Variants in BRD1 observed in about 807,000 individuals in gnomAD.
BRD1 encodes bromodomain containing 1, also known as bromodomain-containing protein 1.
In BRD1, 24 loss-of-function variants were observed where a neutral mutation model predicts 107.7. That is an observed-to-expected ratio of 0.22 (90% confidence interval 0.16 to 0.31). The LOEUF (loss-of-function observed/expected upper bound fraction) is 0.31, where lower values mean the gene tolerates loss of function less well. BRD1 is among the 10% of genes least tolerant of loss of function. The pLI is 1.00. For missense variants in BRD1, 1,279 were observed against 1,638.6 expected (o/e 0.78, Z 3.79); for synonymous variants, 744 against 686.1 (o/e 1.08, Z -1.32).
intron 2 of BRD1, among the ~76,000 whole-genome samples, chr22:49,814,494 C>T (rs2059913170): frequency 6.6e-6 from 1 of 152,254 alleles, no homozygotes; most frequent in Non-Finnish European, 1.5e-5. Flanking sequence ...GCTCTTTTCA[C>T]ATGCCTGACG....
rs1601686341 is a variant in BRD1 at position 49,803,020 on chromosome 22, C to T, written c.1524+1184G>A. ...CACACAGTGGGGCAACCCAGGTGGA[C>T]GGCACGGGAGACCTGGAATATTCCA... On this transcript the variant is annotated intron_variant, in intron 3 of 12. Coordinates refer to ENST00000404760, the MANE Select transcript of BRD1 (RefSeq NM_001304808.3). This position sits in a 1 kb window ranked among gnomAD's most constrained non-coding sequence, Gnocchi z 4.4. Among the ~76,000 whole-genome samples the T allele has an allele frequency of 6.6e-6, 1 of 152,204 alleles. No homozygotes were observed. Among genetic ancestry groups the T allele is most frequent in the East Asian group, 1.9e-4 (1 of 5,196 alleles).
rs1569082370 is a variant in BRD1, at chr22:49,777,220, G to GACGAA, written c.2994-60_2994-59insTTCGT. On this transcript the variant is annotated intron_variant, in intron 9 of 12. Transcript: ENST00000404760. ...CCGCCCCTGCCTTCAGCCTCACTCG[G>GACGAA]GCTTCGTCCCGTGAGCTGTCCGCCA... The GACGAA allele has an allele frequency of 2.5e-6, 4 of 1,597,068 alleles. No individual in the cohort carries two copies. The East Asian group carries it at 9.0e-5, about 36-fold the overall frequency.
At chr22:49,775,912 C>A (rs2059085812) in intron 11 of BRD1, 138 bp downstream of exon 11, 2 of 1,136,468 alleles carry the variant, frequency 1.8e-6, no homozygotes, top group East Asian at 3.0e-5. Context: ...GCTGTGTGAA[C>A]CTCCTCTGAC....
At chr22:49,787,132 G>A (rs1333776020) in intron 8 of BRD1, among the ~76,000 whole-genome samples, 1 of 152,034 alleles carries the variant, frequency 6.6e-6, no homozygotes. Context: ...AAGGACCATC[G>A]ACCCCTGGCC....
At chr22:49,815,790 G>A (rs2059939177) in intron 2 of BRD1, among the ~76,000 whole-genome samples, 1 of 152,176 alleles carries the variant, frequency 6.6e-6, no homozygotes, top group South Asian at 2.1e-4. Context: ...GTCCACCCAG[G>A]TGCCCTCCCG....
chr22:49,799,240 G>T, intron 3 of BRD1, 121 bp from the exon 4 acceptor site: 1 of 1,362,180 alleles, frequency 7.3e-7, no homozygotes, highest in Non-Finnish European at 1.0e-6. Context: ...GGCCCATCCT[G>T]GGGAGGACAA....
intron 2 of BRD1, among the ~76,000 whole-genome samples, chr22:49,815,242 A>T (rs1296667816): frequency 6.6e-6 from 1 of 152,156 alleles, no homozygotes; most frequent in African/African-American, 2.4e-5. Flanking sequence ...AGCTTTTTCA[A>T]TTAAAACAAA....
intron 3 of BRD1, among the ~76,000 whole-genome samples, chr22:49,801,282 C>T (rs1232727737): frequency 6.6e-6 from 1 of 152,232 alleles, no homozygotes; most frequent in African/African-American, 2.4e-5. Context: ...AACGGCCACA[C>T]ACACCAGAAC....
intron 2 of BRD1, among the ~76,000 whole-genome samples, chr22:49,808,502 G>C (rs1484586225): frequency 1.3e-5 from 2 of 152,160 alleles, no homozygotes; most frequent in African/African-American, 4.8e-5. Context: ...GTAGAACGGT[G>C]AACGCCCGCA....
At position 49,797,970 on chromosome 22, in the gene BRD1, C is replaced by T; in HGVS notation, c.1933G>A (p.Asp645Asn). The T allele has an allele frequency of 6.2e-7, 1 of 1,614,222 alleles. No individual in the cohort carries two copies. Among genetic ancestry groups the T allele is most frequent in the Non-Finnish European group, 8.5e-7 (1 of 1,180,044 alleles). ...IDNCMKYNAR[D>N]TVFYRAAVRL... ...ACCGCGGCTCTATAGAACACGGTGT[C>T]CCTGGCATTGTACTTCATGCAGTTA... The change falls in exon 6 of 13, where the codon GAC becomes AAC. Residue 645 changes from aspartate to asparagine, a missense_variant. By Grantham distance (23) the Asp-to-Asn change is conservative (BLOSUM62 1). Coordinates refer to ENST00000404760, the MANE Select transcript of BRD1 (RefSeq NM_001304808.3).
Position 49,777,756 on chromosome 22 carries a change from C to A in BRD1, c.2915G>T (p.Gly972Val). The A allele has an allele frequency of 6.2e-7, 1 of 1,605,906 alleles. No individual in the cohort carries two copies. The highest frequency in any genetic ancestry group is 8.5e-7 in the Non-Finnish European group (1 of 1,177,822). The part of the protein sequence containing the change: ...RSEQEPGGGL[G>V]RKATPRRRCA... ...GCGTCGTCGGGGTGTGGCCTTCCTC[C>A]CCAGGCCGCCGCCCGGCTCCTGCTC... is the stretch of plus-strand genomic sequence containing the variant. The change falls in exon 9 of 13, where the codon GGG becomes GTG. Residue 972 changes from glycine (G) to valine (V), a missense_variant. By Grantham distance (109) the Gly-to-Val change is moderately radical (BLOSUM62 -3). Transcript: ENST00000404760.
rs2146995813 is a variant in BRD1, at chr22:49,783,800, G to A, written c.2857+3590C>T. ...GCTGCTGTTTGTGATTTTGTCTAGA[G>A]GATGTTTGAGCTGATGATTCCAATG... On this transcript the variant is annotated intron_variant, in intron 8 of 12. Coordinates refer to ENST00000404760, the MANE Select transcript of BRD1 (RefSeq NM_001304808.3). This position sits in a 1 kb window ranked among gnomAD's most constrained non-coding sequence, Gnocchi z 4.2. Among the ~76,000 whole-genome samples, 1 of 152,352 alleles carries A rather than the reference G, an allele frequency of 6.6e-6. No homozygotes were observed. The highest frequency in any genetic ancestry group is 2.4e-5 in the African/African-American group (1 of 41,580).
intron 8 of BRD1, among the ~76,000 whole-genome samples, chr22:49,786,626 G>C (rs953366788): frequency 2.0e-5 from 3 of 152,180 alleles, no homozygotes; most frequent in African/African-American, 7.2e-5. Context: ...TCCTCTCAGA[G>C]GTCCAGGGAA....
chr22:49,782,169 G>A (rs941944279), intron 8 of BRD1, among the ~76,000 whole-genome samples: 19 of 149,480 alleles, frequency 1.3e-4, no homozygotes, highest in Middle Eastern at 3.8e-3. Flanking sequence ...GACCTGCTCC[G>A]TGACAATGCA....
intron 2 of BRD1, among the ~76,000 whole-genome samples, chr22:49,811,030 C>T (rs1163508109): frequency 6.6e-6 from 1 of 152,016 alleles, no homozygotes; most frequent in African/African-American, 2.4e-5. Context: ...TTTTTTTAAA[C>T]GTGGCCTATC....
intron 6 of BRD1, among the ~76,000 whole-genome samples, chr22:49,795,909 T>C (rs1205147864): frequency 1.3e-5 from 2 of 152,146 alleles, no homozygotes; most frequent in African/African-American, 4.8e-5. Flanking sequence ...CGGAAAAGGA[T>C]AGCTGGTCTG....
chr22:49,786,182 G>A (rs796695824), intron 8 of BRD1, among the ~76,000 whole-genome samples: 18 of 152,262 alleles, frequency 1.2e-4, no homozygotes, highest in African/African-American at 3.9e-4. Flanking sequence ...GGACAGACGG[G>A]AACCAAGCCT....
At chr22:49,780,271 C>T (rs1393466067) in intron 8 of BRD1, among the ~76,000 whole-genome samples, 1 of 152,242 alleles carries the variant, frequency 6.6e-6, no homozygotes, top group Non-Finnish European at 1.5e-5. Context: ...GATTAAAACA[C>T]AAGGCAAGTC....
At chr22:49,798,715 T>G (rs758145699) in intron 4 of BRD1, 29 bp from the exon 5 acceptor site, 1 of 1,558,828 alleles carries the variant, frequency 6.4e-7, no homozygotes. Context: ...GCCTCAGCTT[T>G]AGGGAGCCGC....
Sources: gnomAD v4.1 joint callset for allele counts (sites outside exome capture counted in the v4.1 genomes callset) on GRCh38, gnomAD v4.1.1 for gene constraint, Gnocchi (gnomAD v3.1) non-coding constraint, MANE v1.5 for transcripts, NCBI Gene and HGNC (gene_info 2026-07-23, HGNC 2026-07-21) for gene names.